The following CNTN5 variants were observed in gnomAD, a reference collection of about 807,000 sequenced individuals.
The protein encoded by CNTN5 is contactin 5.
CNTN5 carries 77 observed loss-of-function variants against 129.1 expected under a neutral mutation model. That is an observed-to-expected ratio of 0.60 (90% CI 0.50 to 0.72). The LOEUF is 0.72. CNTN5 is among the 30% of genes least tolerant of loss of function. The probability of loss-of-function intolerance (pLI) is 0.00; values close to 1 mark genes in which losing one functional copy is unlikely to be tolerated. For synonymous variants in CNTN5, 509 were observed against 465.6 expected (o/e 1.09, Z -1.20); for missense variants, 1,478 against 1,328.8 (o/e 1.11, Z -1.75).
chr11:99,239,946 A>AC (rs540040653), intron 1 of CNTN5, among the ~76,000 whole-genome samples: 10,305 of 152,036 alleles, frequency 0.068, 463 homozygotes, highest in Middle Eastern at 0.12. Flanking sequence ...CAAAAAAAAA[A>AC]AAAAAAAAAA....
At chr11:99,132,435 A>G (rs1858990084) in intron 1 of CNTN5, among the ~76,000 whole-genome samples, 1 of 152,188 alleles carries the variant, frequency 6.6e-6, no homozygotes, top group Non-Finnish European at 1.5e-5. Flanking sequence ...AATAAAGGAT[A>G]TTTAAATAGG....
intron 2 of CNTN5, among the ~76,000 whole-genome samples, chr11:99,340,574 G>A (rs1329408822): frequency 6.6e-6 from 1 of 152,166 alleles, no homozygotes; most frequent in Non-Finnish European, 1.5e-5. Flanking sequence ...GAAGTTAGGA[G>A]TGACTTTTTA....
intron 2 of CNTN5, among the ~76,000 whole-genome samples, chr11:99,380,768 C>CA (rs769229566): frequency 0.23 from 23,964 of 102,312 alleles, 3,279 homozygotes; most frequent in East Asian, 0.4. Flanking sequence ...AACTCTATCT[C>CA]AAAAAAAAAA....
At chr11:99,812,053 T>C (rs1382620276) in intron 3 of CNTN5, among the ~76,000 whole-genome samples, 1 of 152,098 alleles carries the variant, frequency 6.6e-6, no homozygotes, top group Non-Finnish European at 1.5e-5. Context: ...GTAGTATTTC[T>C]TGGAAACTCA....
chr11:100,327,072 T>A (rs1591516901), intron 21 of CNTN5, among the ~76,000 whole-genome samples: 1 of 152,296 alleles, frequency 6.6e-6, no homozygotes, highest in Non-Finnish European at 1.5e-5. Context: ...CAAAAGGAAG[T>A]TTTTAACAAA....
intron 6 of CNTN5, among the ~76,000 whole-genome samples, chr11:99,905,552 A>G (rs141262486): frequency 0.063 from 9,584 of 152,172 alleles, 605 homozygotes; most frequent in East Asian, 0.28. Context: ...GCCTTGTAGT[A>G]TAGTTTAAAG....
At chr11:99,515,746 GTTTTATTTCTATATGCTA>G (rs1480286880) in intron 2 of CNTN5, among the ~76,000 whole-genome samples, 1 of 151,824 alleles carries the variant, frequency 6.6e-6, no homozygotes, top group African/African-American at 2.4e-5. Flanking sequence ...CATTTATGCT[GTTTTATTTCTATATGCTA>G]TTTTATTAAG....
chr11:99,320,601 G>A (rs536262581), intron 1 of CNTN5, among the ~76,000 whole-genome samples: 1 of 152,210 alleles, frequency 6.6e-6, no homozygotes, highest in African/African-American at 2.4e-5. Context: ...AAAAAGAAAA[G>A]TGAAATATTG....
chr11:99,868,394 T>C (rs1415649768), intron 6 of CNTN5, among the ~76,000 whole-genome samples: 1 of 152,180 alleles, frequency 6.6e-6, no homozygotes, highest in Non-Finnish European at 1.5e-5. Context: ...AATAGTTGTT[T>C]TAATTTTCAA....
chr11:99,240,520 A>G (rs951210277), intron 1 of CNTN5, among the ~76,000 whole-genome samples: 3 of 152,168 alleles, frequency 2.0e-5, no homozygotes, highest in African/African-American at 7.2e-5. Context: ...CTGCCTACAC[A>G]GAGGGAACTG....
intron 6 of CNTN5, among the ~76,000 whole-genome samples, chr11:99,886,320 T>G (rs1220010988): frequency 6.6e-6 from 1 of 152,048 alleles, no homozygotes; most frequent in Non-Finnish European, 1.5e-5. Context: ...AATCAAAATA[T>G]ATAAAGGACT....
Position 100,340,592 on chromosome 11 carries a change from A to G in CNTN5, c.2860A>G (p.Asn954Asp). ...ATATCACTTCACAGTGAGGGCTTAC[A>G]ATGGAGCTGGATATGGGCCACCTAG... ...TLYHFTVRAY[N>D]GAGYGPPSSE... is the part of the protein sequence containing the mutation. Residue 954 changes from asparagine (N) to aspartate (D), a missense_variant, in exon 22 of 25, where the codon AAT becomes GAT. Transcript: ENST00000524871. 6.2e-7 allele frequency: 1 copy of G among 1,613,538 alleles called. No homozygotes were observed. Among genetic ancestry groups the G allele is most frequent in the Non-Finnish European group, 8.5e-7 (1 of 1,179,668 alleles).
intron 3 of CNTN5, among the ~76,000 whole-genome samples, chr11:99,659,520 A>G: frequency 6.6e-6 from 1 of 152,182 alleles, no homozygotes. Context: ...ATATGTATAT[A>G]GACAGATTTA....
At chr11:99,099,439 C>A (rs993139376) in intron 1 of CNTN5, among the ~76,000 whole-genome samples, 5 of 151,908 alleles carry the variant, frequency 3.3e-5, no homozygotes, top group African/African-American at 1.2e-4. Context: ...GGAGAACTTA[C>A]CGTTATGAAC....
At chr11:99,271,272 T>G (rs1355772350) in intron 1 of CNTN5, among the ~76,000 whole-genome samples, 1 of 151,886 alleles carries the variant, frequency 6.6e-6, no homozygotes, top group Non-Finnish European at 1.5e-5. Context: ...ATTTAACTAC[T>G]TCTTTTGATG....
chr11:99,853,660 C>G (rs1043765180), intron 6 of CNTN5, among the ~76,000 whole-genome samples: 27 of 151,954 alleles, frequency 1.8e-4, no homozygotes, highest in African/African-American at 6.3e-4. Flanking sequence ...GATTACAGGC[C>G]TGAGCCACTG....
intron 3 of CNTN5, among the ~76,000 whole-genome samples, chr11:99,632,246 T>C (rs1307463170): frequency 6.6e-6 from 1 of 151,666 alleles, no homozygotes; most frequent in Non-Finnish European, 1.5e-5. Flanking sequence ...TAGCTAAATA[T>C]GTTAATTGAA....
chr11:100,117,041 T>G (rs1945862779), intron 13 of CNTN5, among the ~76,000 whole-genome samples: 1 of 151,990 alleles, frequency 6.6e-6, no homozygotes, highest in Non-Finnish European at 1.5e-5. Flanking sequence ...CACTACTTGC[T>G]TGCTTGGTTA....
chr11:100,113,453 A>AAAAAAAAAAAAG (rs1945727574), intron 13 of CNTN5, among the ~76,000 whole-genome samples: 1 of 71,530 alleles, frequency 1.4e-5, no homozygotes, highest in African/African-American at 5.7e-5. Flanking sequence ...AAAAAAAAAA[A>AAAAAAAAAAAAG]CAAGAAAGAA....
Sources: gnomAD v4.1 joint callset for allele counts (sites outside exome capture counted in the v4.1 genomes callset) on GRCh38, gnomAD v4.1.1 for gene constraint, MANE v1.5 for transcripts, NCBI Gene and HGNC (gene_info 2026-07-23, HGNC 2026-07-21) for gene names.